Variants in CAMK2G observed in about 807,000 individuals in gnomAD.
CAMK2G encodes calcium/calmodulin-dependent protein kinase type II subunit gamma.
Under a neutral mutation model 88.7 loss-of-function variants are expected in CAMK2G, and 23 were observed. That is an observed-to-expected ratio of 0.26 (90% CI 0.19 to 0.37). CAMK2G has a LOEUF of 0.37. Ranked by LOEUF, CAMK2G falls within the 10% of genes least tolerant of loss-of-function variation. The pLI, the probability that CAMK2G is intolerant of heterozygous loss-of-function variation, is 1.00. For missense variants in CAMK2G, 476 were observed against 780.8 expected (o/e 0.61, Z 4.65); for synonymous variants, 263 against 294.8 (o/e 0.89, Z 1.11).
At chr10:73,870,747 G>C (rs1263123847) in intron 2 of CAMK2G, among the ~76,000 whole-genome samples, 3 of 152,192 alleles carry the variant, frequency 2.0e-5, no homozygotes, top group African/African-American at 7.2e-5. Context: ...ACAGCGATGA[G>C]TGAAACCCAG....
chr10:73,827,226 G>A (rs2091238581), intron 15 of CAMK2G, among the ~76,000 whole-genome samples: 3 of 152,232 alleles, frequency 2.0e-5, no homozygotes, highest in Admixed American at 1.3e-4. Context: ...TAGCTCTGTC[G>A]CCCAGGCTGG....
intron 14 of CAMK2G, among the ~76,000 whole-genome samples, chr10:73,832,947 A>G (rs1420264738): frequency 3.5e-5 from 5 of 143,698 alleles, no homozygotes; most frequent in African/African-American, 1.0e-4. Context: ...ATTGTCTCCA[A>G]TCTTTTTTTT....
At chr10:73,816,684 C>T (rs975498686) in intron 21 of CAMK2G, 3 of 1,029,488 alleles carry the variant, frequency 2.9e-6, no homozygotes, top group Non-Finnish European at 4.0e-6. Flanking sequence ...TGGCCTCGAT[C>T]TCCTGACCTC....
Position 73,848,378 on chromosome 10 carries a change from G to T in CAMK2G, c.601+148C>A. On this transcript the variant is annotated intron_variant, in intron 8 of 22. Transcript: ENST00000423381. The surrounding 1 kb of genome is among the most constrained non-coding windows in gnomAD (Gnocchi z 4.5). Reference sequence around the variant, plus strand: ...AGTACGCAGGGAGGAGGGTGTGATGGGAACAGCCATCCCAGGGGCAAACAC... The same window carrying T: ...AGTACGCAGGGAGGAGGGTGTGATGTGAACAGCCATCCCAGGGGCAAACAC... The T allele has an allele frequency of 1.5e-6, 1 of 683,090 alleles. No individual in the cohort carries two copies. The highest frequency in any genetic ancestry group is 2.7e-6 in the Non-Finnish European group (1 of 372,144). 42.3% of individuals were successfully genotyped at this position (683,090 alleles called of 1,614,324 possible).
chr10:73,871,868 G>A (rs1323578361), intron 2 of CAMK2G, among the ~76,000 whole-genome samples: 1 of 152,136 alleles, frequency 6.6e-6, no homozygotes, highest in Admixed American at 6.5e-5. Context: ...CTGCCAACAC[G>A]ACAGAAGCCC....
chr10:73,854,966 G>A (rs2094920429), intron 3 of CAMK2G, among the ~76,000 whole-genome samples: 1 of 152,152 alleles, frequency 6.6e-6, no homozygotes, highest in Non-Finnish European at 1.5e-5. Flanking sequence ...AAAGGCAGGT[G>A]ATACTTCCAA....
At chr10:73,827,638 G>A (rs767488693) in intron 15 of CAMK2G, among the ~76,000 whole-genome samples, 3 of 152,176 alleles carry the variant, frequency 2.0e-5, no homozygotes, top group Non-Finnish European at 4.4e-5. Flanking sequence ...ATTTGCACGG[G>A]GGCAGAGCCA....
chr10:73,837,399 G>C (rs1164516716), intron 14 of CAMK2G, 69 bp downstream of exon 14: 17 of 1,212,256 alleles, frequency 1.4e-5, no homozygotes, highest in Non-Finnish European at 2.1e-5. Flanking sequence ...GGGGAACCAG[G>C]TGCCAAGAAT....
At chr10:73,862,146 A>G (rs1219139750) in intron 2 of CAMK2G, among the ~76,000 whole-genome samples, 1 of 152,082 alleles carries the variant, frequency 6.6e-6, no homozygotes, top group Admixed American at 6.6e-5. Flanking sequence ...AGTACGTGGG[A>G]AGAGAGGATG....
At chr10:73,855,355 C>T (rs576319291) in intron 3 of CAMK2G, among the ~76,000 whole-genome samples, 1 of 152,280 alleles carries the variant, frequency 6.6e-6, no homozygotes, top group South Asian at 2.1e-4. Context: ...ATCAGCTGTC[C>T]CAGAAGCTAC....
chr10:73,847,136 T>G (rs1483991409), intron 10 of CAMK2G, 89 bp downstream of exon 10: 2 of 1,365,760 alleles, frequency 1.5e-6, no homozygotes, highest in Non-Finnish European at 2.1e-6. Context: ...CCAGAATGAA[T>G]CTCTGCTGGT....
At chr10:73,852,211 T>C (rs369592148) in intron 5 of CAMK2G, 43 bp downstream of exon 5, 204 of 1,535,340 alleles carry the variant, frequency 1.3e-4, no homozygotes, top group Middle Eastern at 8.4e-4. Context: ...CCTTCAGTCC[T>C]AAACTCCAGA....
chr10:73,826,475 G>A (rs936396821), intron 15 of CAMK2G, among the ~76,000 whole-genome samples: 1 of 152,060 alleles, frequency 6.6e-6, no homozygotes, highest in African/African-American at 2.4e-5. Flanking sequence ...ATTACACGGA[G>A]GGGCACAGCA....
rs55861420 is a variant in CAMK2G at position 73,829,266 on chromosome 10, TTTTATTTATTTA to T, written c.1054-1157_1054-1146del. Among the ~76,000 whole-genome samples, 262 of 141,032 alleles carry T rather than the reference TTTTATTTATTTA, an allele frequency of 1.9e-3. 1 individual carries two copies. Among genetic ancestry groups the T allele is most frequent in the South Asian group, 3.7e-3 (16 of 4,322 alleles). The allele number at this position is 141,032 out of a possible 152,430, so 92.5% of individuals were successfully genotyped here. A position where few individuals can be genotyped will look rare whatever the true frequency, so the allele number is the denominator to read the frequency against. ...TAGTTAGGCCTCTTTTACATTGGCC[TTTTATTTATTTA>T]TTTATTTATTTATTTATTTATTTAT... On this transcript the variant is annotated intron_variant, in intron 14 of 22. Coordinates refer to ENST00000423381, the MANE Select transcript of CAMK2G (RefSeq NM_001367534.1).
At chr10:73,846,251 C>G (rs2134680737) in intron 10 of CAMK2G, 1 of 152,352 alleles carries the variant, frequency 6.6e-6, no homozygotes, top group South Asian at 2.1e-4. Context: ...TATTTGCAGC[C>G]TCATCGACAA....
rs1423683313 is a variant in CAMK2G at position 73,842,647 on chromosome 10, C to T, written c.820-106G>A. The T allele has an allele frequency of 2.7e-6, 2 of 753,782 alleles. No individual in the cohort carries two copies. Among genetic ancestry groups the T allele is most frequent in the African/African-American group, 3.5e-5 (2 of 57,714 alleles). The allele number at this position is 753,782 out of a possible 1,614,324, so 46.7% of individuals were successfully genotyped here. A position where few individuals can be genotyped will look rare whatever the true frequency, so the allele number is the denominator to read the frequency against. On this transcript the variant is annotated intron_variant, in intron 10 of 22. Transcript: ENST00000423381. The surrounding 1 kb of genome is among the most constrained non-coding windows in gnomAD (Gnocchi z 4.6). ...AGGACAGGGTCATGCACTCAGCCAC[C>T]CCAGAGTTGCTCTGAAGATGAAATG...
At chr10:73,858,803 A>G (rs964255008) in intron 3 of CAMK2G, among the ~76,000 whole-genome samples, 3 of 152,262 alleles carry the variant, frequency 2.0e-5, no homozygotes, top group Admixed American at 6.5e-5. Context: ...CTAGAAATAA[A>G]TAAAAAGACA....
In CAMK2G at chr10:73,874,447, G is replaced by A. The variant is rs147311100; in HGVS notation, c.15C>T (p.Ala5=). The part of the protein sequence containing the change: MATT[A]TCTRFTDDYQ... Reference sequence around the variant, plus strand: ...AGTCGTCGGTGAAACGGGTGCAGGTGGCGGTGGTGGCCATGCTGGCGGGCG... The same window carrying A: ...AGTCGTCGGTGAAACGGGTGCAGGTAGCGGTGGTGGCCATGCTGGCGGGCG... Residue 5 remains alanine (A), a synonymous_variant, in exon 1 of 23, where the codon GCC becomes GCT. Coordinates refer to ENST00000423381, the MANE Select transcript of CAMK2G (RefSeq NM_001367534.1). 1.5e-3 allele frequency: 2,356 copies of A among 1,522,422 alleles called. 25 individuals are homozygous for A. The African/African-American group carries it at 0.028, about 18-fold the overall frequency. 94.3% of individuals were successfully genotyped at this position (1,522,422 alleles called of 1,614,324 possible).
At chr10:73,832,657 C>T (rs1565273174) in intron 14 of CAMK2G, among the ~76,000 whole-genome samples, 1 of 152,168 alleles carries the variant, frequency 6.6e-6, no homozygotes, top group African/African-American at 2.4e-5. Context: ...AACATTTCTG[C>T]ACTTTATTTT....
Sources: allele counts gnomAD v4.1 joint callset (sites outside exome capture counted in the v4.1 genomes callset), GRCh38; gene constraint gnomAD v4.1.1; non-coding constraint Gnocchi (gnomAD v3.1); transcripts MANE v1.5; gene names NCBI Gene and HGNC (gene_info 2026-07-23, HGNC 2026-07-21).